The following MCM9 variants were observed in gnomAD, a reference collection of about 807,000 sequenced individuals.
MCM9 encodes the protein DNA helicase MCM9.
In MCM9, 55 loss-of-function variants were observed where a neutral mutation model predicts 72.8. That is an observed-to-expected ratio of 0.76 (90% CI 0.61 to 0.95). The LOEUF is 0.95. Among genes scored for constraint, MCM9 ranks in the 40% least tolerant of loss-of-function variants. The probability of loss-of-function intolerance (pLI) is 0.00; values close to 1 mark genes in which losing one functional copy is unlikely to be tolerated. For missense variants in MCM9, 1,279 were observed against 1,377.0 expected, an observed-to-expected ratio of 0.93 and a Z score of 1.13; for synonymous variants, 480 against 503.4, an observed-to-expected ratio of 0.95 and a Z score of 0.62.
At chr6:118,878,851 G>A (rs745400445) in intron 8 of MCM9, among the ~76,000 whole-genome samples, 1 of 152,084 alleles carries the variant, frequency 6.6e-6, no homozygotes, top group Admixed American at 6.5e-5. Context: ...GAGCTCAGAC[G>A]TTCAAGACCA....
Position 118,849,844 on chromosome 6 carries a change from C to T in MCM9, c.1325+6527G>A, listed in dbSNP as rs531505913. 2.6e-5 allele frequency among the ~76,000 whole-genome samples: 4 copies of T among 151,770 alleles called. No individual in the cohort carries two copies. The South Asian group carries it at 8.3e-4, about 32-fold the overall frequency. On this transcript the variant is annotated intron_variant, in intron 9 of 13. Coordinates refer to ENST00000619706, the MANE Select transcript of MCM9 (RefSeq NM_017696.3). ...GAAAGAGGGGAGATGCATAAACAGG[C>T]ACACATACCTATCCCCATGGGTTTT...
chr6:118,930,305 G>C (rs1245321304), intron 3 of MCM9, among the ~76,000 whole-genome samples: 1 of 151,934 alleles, frequency 6.6e-6, no homozygotes, highest in Non-Finnish European at 1.5e-5. Context: ...GTAGAGACGG[G>C]GTTTCACCGT....
At position 118,814,977 on chromosome 6, in the gene MCM9, T is replaced by C. The variant is rs778345349; in HGVS notation, c.3279A>G (p.Thr1093=). ...TCCTTTTACTGACACGCATTGGAGC[T>C]GTGGTTGTAGGAGGGGAGCTTGGGC... The part of the protein sequence containing the change: ...ERGPSSPPTT[T]APMRVSKRKS... The change falls in exon 14 of 14, where the codon ACA becomes ACG. Residue 1093 remains threonine, a synonymous_variant. Coordinates refer to ENST00000619706, the MANE Select transcript of MCM9 (RefSeq NM_017696.3). 1.3e-6 allele frequency: 2 copies of C among 1,550,416 alleles called. No homozygotes were observed. The highest frequency in any genetic ancestry group is 2.7e-5 in the African/African-American group (2 of 73,022).
chr6:118,930,080 G>A (rs2114445511), intron 3 of MCM9, among the ~76,000 whole-genome samples: 1 of 128,118 alleles, frequency 7.8e-6, no homozygotes, highest in East Asian at 2.4e-4. Context: ...TGTACTATAA[G>A]GTAAATATTT....
At chr6:118,838,476 G>A (rs1046988942) in intron 9 of MCM9, among the ~76,000 whole-genome samples, 14 of 150,978 alleles carry the variant, frequency 9.3e-5, no homozygotes, top group African/African-American at 3.4e-4. Context: ...ATTTTTATTA[G>A]AGACTGGGTT....
chr6:118,898,539 C>G (rs551744948), intron 8 of MCM9, among the ~76,000 whole-genome samples: 20 of 151,926 alleles, frequency 1.3e-4, no homozygotes, highest in African/African-American at 4.6e-4. Flanking sequence ...ATTCTTGTGC[C>G]TCAGCCTCCC....
intron 9 of MCM9, among the ~76,000 whole-genome samples, chr6:118,832,553 A>T (rs1774639453): frequency 6.6e-6 from 1 of 152,230 alleles, no homozygotes; most frequent in African/African-American, 2.4e-5. Flanking sequence ...TTGTCATAAA[A>T]GGATGCTGAT....
intron 8 of MCM9, chr6:118,894,026 C>T (rs1779161316): frequency 1.0e-6 from 1 of 991,840 alleles, no homozygotes; most frequent in Non-Finnish European, 1.2e-6. Context: ...ATTCCACTCA[C>T]TTTGTTCTCC....
At chr6:118,839,962 T>C (rs1211009894) in intron 9 of MCM9, among the ~76,000 whole-genome samples, 1 of 152,158 alleles carries the variant, frequency 6.6e-6, no homozygotes, top group South Asian at 2.1e-4. Flanking sequence ...CTGGGAGATC[T>C]GCTGCACTCT....
chr6:118,843,696 A>ATATGTATG lies in MCM9; in HGVS notation c.1325+12674_1325+12675insCATACATA, dbSNP rs1251391640. Reference sequence around the variant, plus strand: ...TATGTATATATATATGTGTATATATATATATATGTATGTATATATATATGT... The same window carrying ATATGTATG: ...TATGTATATATATATGTGTATATATATATGTATGTATATATGTATGTATATATATATGT... On this transcript the variant is annotated intron_variant, in intron 9 of 13. Coordinates refer to ENST00000619706, the MANE Select transcript of MCM9 (RefSeq NM_017696.3). Among the ~76,000 whole-genome samples the ATATGTATG allele has an allele frequency of 1.0e-3, 102 of 102,302 alleles. 1 individual carries two copies. The highest frequency in any genetic ancestry group is 4.5e-3 in the African/African-American group (100 of 22,274). 67.1% of individuals were successfully genotyped at this position (102,302 alleles called of 152,430 possible).
chr6:118,885,437 A>G (rs911383103), intron 8 of MCM9, among the ~76,000 whole-genome samples: 2 of 152,156 alleles, frequency 1.3e-5, no homozygotes, highest in Admixed American at 1.3e-4. Flanking sequence ...TAGGGTGACC[A>G]AACAAAAAAG....
chr6:118,923,695 C>T, intron 4 of MCM9, 116 bp downstream of exon 4: 1 of 903,576 alleles, frequency 1.1e-6, no homozygotes, highest in Non-Finnish European at 1.7e-6. Context: ...TGATCTTCCA[C>T]AAAGTGACAA....
At chr6:118,926,095 C>A (rs771011745) in intron 3 of MCM9, among the ~76,000 whole-genome samples, 38 of 152,158 alleles carry the variant, frequency 2.5e-4, no homozygotes, top group Non-Finnish European at 4.3e-4. Context: ...CCCCATTCTT[C>A]CATAACCCTA....
At chr6:118,858,519 A>C (rs1776708737) in intron 8 of MCM9, among the ~76,000 whole-genome samples, 2 of 152,298 alleles carry the variant, frequency 1.3e-5, no homozygotes, top group South Asian at 2.1e-4. Context: ...CACTGAAATA[A>C]GGCAAGGAAA....
chr6:118,890,786 T>C (rs931374125), intron 8 of MCM9, among the ~76,000 whole-genome samples: 1 of 152,182 alleles, frequency 6.6e-6, no homozygotes, highest in Non-Finnish European at 1.5e-5. Flanking sequence ...TTCTAATAAA[T>C]AAAAAGGAGC....
intron 13 of MCM9, among the ~76,000 whole-genome samples, chr6:118,824,345 C>CTTTTTTTTTTTTTTTTT (rs781078527): frequency 3.2e-4 from 47 of 148,818 alleles, no homozygotes; most frequent in Middle Eastern, 3.6e-3. Flanking sequence ...TTTAGTCTTT[C>CTTTTTTTTTTTTTTTTT]TTTTTTTTTC....
In MCM9 at chr6:118,818,115, T is replaced by C. The variant is rs143227928; in HGVS notation, c.1962-1821A>G. On this transcript the variant is annotated intron_variant, in intron 13 of 13. Coordinates refer to ENST00000619706, the MANE Select transcript of MCM9 (RefSeq NM_017696.3). Reference sequence around the variant, plus strand: ...CTGATGATAGTTTATTTGGCTGAGCTGAAGCTCTTTGGTTTGATTAGATCC... The same window carrying C: ...CTGATGATAGTTTATTTGGCTGAGCCGAAGCTCTTTGGTTTGATTAGATCC... Among the ~76,000 whole-genome samples the C allele has an allele frequency of 1.8e-3, 278 of 152,336 alleles. 1 individual carries two copies. Among genetic ancestry groups the C allele is most frequent in the South Asian group, 0.01 (50 of 4,830 alleles).
At chr6:118,919,866 T>A (rs1781292997) in intron 5 of MCM9, 1 of 152,204 alleles carries the variant, frequency 6.6e-6, no homozygotes, top group Non-Finnish European at 1.5e-5. Context: ...TCCAACTTCA[T>A]TACTCTGCAT....
intron 6 of MCM9, among the ~76,000 whole-genome samples, chr6:118,916,551 C>T (rs1409226334): frequency 4.6e-5 from 7 of 151,382 alleles, no homozygotes; most frequent in East Asian, 1.9e-4. Flanking sequence ...CTCTGCCTCC[C>T]GGGCTCAAGT....
Sources: gnomAD v4.1 joint callset for allele counts (sites outside exome capture counted in the v4.1 genomes callset) on GRCh38, gnomAD v4.1.1 for gene constraint, MANE v1.5 for transcripts, NCBI Gene and HGNC (gene_info 2026-07-23, HGNC 2026-07-21) for gene names.